AGAP1: variants seen among roughly 807,000 people sequenced by gnomAD.
AGAP1 encodes ArfGAP with GTPase domain, ankyrin repeat and PH domain 1, also known as arf-GAP with GTPase, ANK repeat and PH domain-containing protein 1.
In AGAP1, 29 loss-of-function variants were observed where a neutral mutation model predicts 105.3. That is an observed-to-expected ratio of 0.28 (90% CI 0.21 to 0.38). The LOEUF is 0.38. AGAP1 is among the 10% of genes least tolerant of loss of function. The pLI, the probability that AGAP1 is intolerant of heterozygous loss-of-function variation, is 1.00. For missense variants in AGAP1, 998 were observed against 1,165.1 expected (o/e 0.86, Z 2.09); for synonymous variants, 509 against 485.9 (o/e 1.05, Z -0.63).
Position 235,889,703 on chromosome 2 carries a change from A to G in AGAP1, c.1155+6254A>G, listed in dbSNP as rs1270808173. On this transcript the variant is annotated intron_variant, in intron 10 of 17. Transcript: ENST00000304032. The surrounding 1 kb of genome is among the most constrained non-coding windows in gnomAD (Gnocchi z 4.6). ...TCTACATACCCTTCCTACACCACAG[A>G]TAGAAGATATGGAGGGAAACCTTTT... Among the ~76,000 whole-genome samples, 1 of 152,048 alleles carries G rather than the reference A, an allele frequency of 6.6e-6. No individual in the cohort carries two copies. Among genetic ancestry groups the G allele is most frequent in the Admixed American group, 6.6e-5 (1 of 15,258 alleles).
In AGAP1 at chr2:235,787,168, G is replaced by C. The variant is rs1311420641; in HGVS notation, c.674-10591G>C. ...AGTTCTCAGGCTTCTCCCCTCTCCT[G>C]TTGTAAGAGTTGAGCTAGCAGGGGC... On this transcript the variant is annotated intron_variant, in intron 6 of 17. Coordinates refer to ENST00000304032, the MANE Select transcript of AGAP1 (RefSeq NM_001037131.3). The surrounding 1 kb of genome is among the most constrained non-coding windows in gnomAD (Gnocchi z 4.4). Among the ~76,000 whole-genome samples, 1 of 152,194 alleles carries C rather than the reference G, an allele frequency of 6.6e-6. No homozygotes were observed. The highest frequency in any genetic ancestry group is 1.5e-5 in the Non-Finnish European group (1 of 68,046).
Position 235,700,874 on chromosome 2 carries a change from ATATT to A in AGAP1, c.164-8301_164-8298del, listed in dbSNP as rs910733645. On this transcript the variant is annotated intron_variant, in intron 1 of 17. Transcript: ENST00000304032. The surrounding 1 kb of genome is among the most constrained non-coding windows in gnomAD (Gnocchi z 6.1). ...ATATATTGTATACTCTACATAGTAT[ATATT>A]TATAATATATGTATATAATGTATAA... 4.7e-5 allele frequency among the ~76,000 whole-genome samples: 7 copies of A among 147,924 alleles called. No homozygotes were observed. Among genetic ancestry groups the A allele is most frequent in the African/African-American group, 1.2e-4 (5 of 40,642 alleles).
intron 6 of AGAP1, among the ~76,000 whole-genome samples, chr2:235,760,145 C>G (rs1293545680): frequency 6.6e-6 from 1 of 152,174 alleles, no homozygotes; most frequent in Non-Finnish European, 1.5e-5. Context: ...CTTTGGGAGG[C>G]TGAGGCAGGC....
intron 1 of AGAP1, among the ~76,000 whole-genome samples, chr2:235,653,344 G>A (rs952038398): frequency 6.6e-6 from 1 of 151,628 alleles, no homozygotes; most frequent in Admixed American, 6.6e-5. Context: ...GGCACCTGTG[G>A]TCCCAGCTAC....
Position 235,983,479 on chromosome 2 carries a change from C to G in AGAP1, c.1645+14856C>G, listed in dbSNP as rs1340912875. 1.3e-5 allele frequency among the ~76,000 whole-genome samples: 2 copies of G among 152,042 alleles called. No individual in the cohort carries two copies. Among genetic ancestry groups the G allele is most frequent in the Non-Finnish European group, 2.9e-5 (2 of 67,998 alleles). ...TGTTTAATTTCTTTTTTCTTCTTTT[C>G]CCATCCATAACCTCATCATTGTCTT... is the stretch of plus-strand genomic sequence containing the variant. On this transcript the variant is annotated intron_variant, in intron 13 of 17. Coordinates refer to ENST00000304032, the MANE Select transcript of AGAP1 (RefSeq NM_001037131.3). The surrounding 1 kb of genome is among the most constrained non-coding windows in gnomAD (Gnocchi z 4.5).
intron 6 of AGAP1, among the ~76,000 whole-genome samples, chr2:235,795,983 C>T (rs757415312): frequency 6.6e-6 from 1 of 152,150 alleles, no homozygotes; most frequent in Non-Finnish European, 1.5e-5. Context: ...TCGCATCTTC[C>T]CTTAGTTTCT....
At chr2:235,602,238 T>C (rs1945754564) in intron 1 of AGAP1, among the ~76,000 whole-genome samples, 1 of 152,212 alleles carries the variant, frequency 6.6e-6, no homozygotes, top group East Asian at 1.9e-4. Context: ...TAAAGCCGTG[T>C]TGGGTCATAG....
Position 235,719,257 on chromosome 2 carries a change from G to C in AGAP1, c.310+1613G>C, listed in dbSNP as rs577729843. Reference sequence around the variant, plus strand: ...GGTGGGGCAGCGCTGGAGGCCCTGGGTTTCTGGAGTAAGAACAAGGACCAC... The same window carrying C: ...GGTGGGGCAGCGCTGGAGGCCCTGGCTTTCTGGAGTAAGAACAAGGACCAC... On this transcript the variant is annotated intron_variant, in intron 3 of 17. Coordinates refer to ENST00000304032, the MANE Select transcript of AGAP1 (RefSeq NM_001037131.3). The surrounding 1 kb of genome is among the most constrained non-coding windows in gnomAD (Gnocchi z 4.9). Among the ~76,000 whole-genome samples the C allele has an allele frequency of 9.6e-4, 146 of 152,290 alleles. No homozygotes were observed. The Middle Eastern group carries it at 0.01, about 11-fold the overall frequency.
At chr2:235,811,235 A>G (rs979234901) in intron 9 of AGAP1, among the ~76,000 whole-genome samples, 3 of 152,222 alleles carry the variant, frequency 2.0e-5, no homozygotes, top group African/African-American at 7.2e-5. Flanking sequence ...TGCCCTTCGC[A>G]GAGCCCCGGC....
At chr2:236,099,901 A>G (rs2059303958) in intron 16 of AGAP1, among the ~76,000 whole-genome samples, 1 of 151,980 alleles carries the variant, frequency 6.6e-6, no homozygotes, top group Admixed American at 6.6e-5. Flanking sequence ...TTACCCAAGC[A>G]TGGTGGCATG....
Position 236,053,003 on chromosome 2 carries a change from G to A in AGAP1, c.2114+3722G>A, listed in dbSNP as rs150967623. Among the ~76,000 whole-genome samples, 1,134 of 152,298 alleles carry A rather than the reference G, an allele frequency of 7.4e-3. 11 individuals carry two copies. Among genetic ancestry groups the A allele is most frequent in the African/African-American group, 0.026 (1,073 of 41,560 alleles). On this transcript the variant is annotated intron_variant, in intron 16 of 17. Transcript: ENST00000304032. The surrounding 1 kb of genome is among the most constrained non-coding windows in gnomAD (Gnocchi z 4.6). Reference sequence around the variant, plus strand: ...GTTTTAGGGGTTTAAGAAGGGAGCCGTCAGCTGTGTGTAGGACAGGACTTC... The same window carrying A: ...GTTTTAGGGGTTTAAGAAGGGAGCCATCAGCTGTGTGTAGGACAGGACTTC...
At chr2:235,890,483 G>C (rs2050485258) in intron 10 of AGAP1, among the ~76,000 whole-genome samples, 1 of 152,184 alleles carries the variant, frequency 6.6e-6, no homozygotes, top group Non-Finnish European at 1.5e-5. Flanking sequence ...TGGTGGGGCA[G>C]GATAACAAGG....
rs141946609 is a variant in AGAP1, at chr2:236,005,691, A to G, written c.1646-30870A>G. Among the ~76,000 whole-genome samples the G allele has an allele frequency of 3.4e-3, 517 of 152,256 alleles. No individual in the cohort carries two copies. The highest frequency in any genetic ancestry group is 5.6e-3 in the Non-Finnish European group (384 of 68,008). ...TGAAGGTCTTGAGGCATGCTGGGCCAGGTGTATGATAGGAATCCCTCTACT... is the reference window on the plus strand; with the variant it reads ...TGAAGGTCTTGAGGCATGCTGGGCCGGGTGTATGATAGGAATCCCTCTACT... On this transcript the variant is annotated intron_variant, in intron 13 of 17. Coordinates refer to ENST00000304032, the MANE Select transcript of AGAP1 (RefSeq NM_001037131.3). The surrounding 1 kb of genome is among the most constrained non-coding windows in gnomAD (Gnocchi z 4.1).
At chr2:235,851,110 A>G (rs1354599379) in intron 9 of AGAP1, among the ~76,000 whole-genome samples, 1 of 152,238 alleles carries the variant, frequency 6.6e-6, no homozygotes, top group Non-Finnish European at 1.5e-5. Flanking sequence ...CCTGGTTTCT[A>G]GGCACAGCCC....
chr2:235,713,548 A>C lies in AGAP1; in HGVS notation c.223-4009A>C, dbSNP rs141635191. ...TTCAGAGAACAAGGCAAATGAGACA[A>C]GGTGCCTGTCCTTGAGGAATTGTCA... On this transcript the variant is annotated intron_variant, in intron 2 of 17. Transcript: ENST00000304032. Among the ~76,000 whole-genome samples, 225 of 152,376 alleles carry C rather than the reference A, an allele frequency of 1.5e-3. 1 individual carries two copies. Among genetic ancestry groups the C allele is most frequent in the African/African-American group, 4.8e-3 (198 of 41,588 alleles).
rs1450909207 is a variant in AGAP1 at position 235,864,911 on chromosome 2, C to T, written c.1051-18434C>T. 6.6e-6 allele frequency among the ~76,000 whole-genome samples: 1 copy of T among 152,100 alleles called. No homozygotes were observed. The highest frequency in any genetic ancestry group is 6.5e-5 in the Admixed American group (1 of 15,272). On this transcript the variant is annotated intron_variant, in intron 9 of 17. Transcript: ENST00000304032. This position sits in a 1 kb window ranked among gnomAD's most constrained non-coding sequence, Gnocchi z 5.0. ...CTGGTTGGGACTTAATAATGCTAGC[C>T]AGACCTAATGTGAACCATACATCTC...
chr2:235,542,551 C>A (rs1943481360), intron 1 of AGAP1, among the ~76,000 whole-genome samples: 1 of 148,618 alleles, frequency 6.7e-6, no homozygotes, highest in Non-Finnish European at 1.5e-5. Context: ...ATCCTCCTGA[C>A]CCATGTGATA....
intron 11 of AGAP1, among the ~76,000 whole-genome samples, chr2:235,922,878 A>C (rs1177678489): frequency 6.6e-6 from 1 of 152,366 alleles, no homozygotes; most frequent in African/African-American, 2.4e-5. Flanking sequence ...TACCTTTTCA[A>C]ATCAACTCTT....
chr2:235,583,153 T>TGGGTTTTAATGTAAACTCA (rs1428711741), intron 1 of AGAP1, among the ~76,000 whole-genome samples: 1 of 152,208 alleles, frequency 6.6e-6, no homozygotes, highest in Admixed American at 6.5e-5. Flanking sequence ...GTCCTCTGCC[T>TGGGTTTTAATGTAAACTCA]GGGTTTTAAT....
Sources: gnomAD v4.1 joint callset for allele counts (sites outside exome capture counted in the v4.1 genomes callset) on GRCh38, gnomAD v4.1.1 for gene constraint, Gnocchi (gnomAD v3.1) non-coding constraint, MANE v1.5 for transcripts, NCBI Gene and HGNC (gene_info 2026-07-23, HGNC 2026-07-21) for gene names.